CELSR1: variants seen among roughly 807,000 people sequenced by gnomAD.
The protein encoded by CELSR1 is cadherin EGF LAG seven-pass G-type receptor 1.
Under a neutral mutation model 249.1 loss-of-function variants are expected in CELSR1, and 110 were observed. The ratio of observed to expected loss-of-function variants is 0.44; its 90% CI spans 0.38 to 0.52. The LOEUF is 0.52. Ranked by LOEUF, CELSR1 falls within the 20% of genes least tolerant of loss-of-function variation. CELSR1 has a pLI of 0.00. For synonymous variants in CELSR1, 2,113 were observed against 1,900.0 expected, an observed-to-expected ratio of 1.11 and a Z score of -2.92; for missense variants, 4,109 against 4,296.4, an observed-to-expected ratio of 0.96 and a Z score of 1.22.
At position 46,381,106 on chromosome 22, in the gene CELSR1, A is replaced by G; in HGVS notation, c.7089-151T>C. 1 of 776,670 alleles carries G rather than the reference A, an allele frequency of 1.3e-6. No homozygotes were observed. The highest frequency in any genetic ancestry group is 1.8e-5 in the South Asian group (1 of 55,494). The allele number at this position is 776,670 out of a possible 1,614,324, so 48.1% of individuals were successfully genotyped here. On this transcript the variant is annotated intron_variant, in intron 21 of 34. Transcript: ENST00000674500. This position sits in a 1 kb window ranked among gnomAD's most constrained non-coding sequence, Gnocchi z 6.0. ...AGCTCGGACCCACGGACCCCACAGT[A>G]TCTTCATCCCTAGAGCAGGTTTTAT...
chr22:46,465,376 C>T (rs1200929226), intron 1 of CELSR1, among the ~76,000 whole-genome samples: 4 of 150,438 alleles, frequency 2.7e-5, no homozygotes, highest in East Asian at 4.1e-4. Flanking sequence ...TTCCATGGAG[C>T]GTGGGGCCCC....
In CELSR1 at chr22:46,363,859, T is replaced by A; in HGVS notation, c.9035+137A>T. On this transcript the variant is annotated intron_variant, in intron 34 of 34. Coordinates refer to ENST00000674500, the MANE Select transcript of CELSR1 (RefSeq NM_001378328.1). The surrounding 1 kb of genome is among the most constrained non-coding windows in gnomAD (Gnocchi z 4.3). ...GCTGCAGCGCCTCCCCCCTCCCCCA[T>A]CCCCGCCTGGGCTTCCTCTGCACTC... 8.3e-7 allele frequency: 1 copy of A among 1,202,120 alleles called. No homozygotes were observed. Among genetic ancestry groups the A allele is most frequent in the Non-Finnish European group, 1.1e-6 (1 of 893,114 alleles). 74.5% of individuals were successfully genotyped at this position (1,202,120 alleles called of 1,614,324 possible). A position where few individuals can be genotyped will look rare whatever the true frequency, so the allele number is the denominator to read the frequency against.
At position 46,446,918 on chromosome 22, in the gene CELSR1, G is replaced by A. The variant is rs148773704; in HGVS notation, c.4184-7507C>T. On this transcript the variant is annotated intron_variant, in intron 2 of 34. Coordinates refer to ENST00000674500, the MANE Select transcript of CELSR1 (RefSeq NM_001378328.1). The surrounding 1 kb of genome is among the most constrained non-coding windows in gnomAD (Gnocchi z 5.5). The stretch of plus-strand genomic sequence containing the variant: ...TCCTGTCCCTGTGTTCCTTAGGGCT[G>A]ACTCCTAGCACAGAGCCAATTCAGG... Among the ~76,000 whole-genome samples, 49 of 152,236 alleles carry A rather than the reference G, an allele frequency of 3.2e-4. No individual in the cohort carries two copies. The highest frequency in any genetic ancestry group is 3.4e-3 in the Middle Eastern group (1 of 294).
chr22:46,421,130 G>A (rs920885016), intron 5 of CELSR1, among the ~76,000 whole-genome samples: 1 of 152,148 alleles, frequency 6.6e-6, no homozygotes, highest in African/African-American at 2.4e-5. Context: ...TCACGTGGGG[G>A]ACACACATGA....
chr22:46,503,809 C>G (rs2080488511), intron 1 of CELSR1, among the ~76,000 whole-genome samples: 1 of 152,120 alleles, frequency 6.6e-6, no homozygotes, highest in Non-Finnish European at 1.5e-5. Context: ...GCAGGAGAAA[C>G]TGCTTAAGGC....
chr22:46,532,669 TATAA>T (rs1222099328), intron 1 of CELSR1, among the ~76,000 whole-genome samples: 1 of 152,198 alleles, frequency 6.6e-6, no homozygotes, highest in Non-Finnish European at 1.5e-5. Context: ...AGTTTGGGCT[TATAA>T]ATAAGGTCAC....
At position 46,385,763 on chromosome 22, in the gene CELSR1, C is replaced by T. The variant is rs986203031; in HGVS notation, c.6739+639G>A. On this transcript the variant is annotated intron_variant, in intron 19 of 34. Transcript: ENST00000674500. ...CATGATCTCGGCTCACTGCAAGCTCCGCTTCCCGGGTTCACGCCATTCTCC... is the reference window on the plus strand; with the variant it reads ...CATGATCTCGGCTCACTGCAAGCTCTGCTTCCCGGGTTCACGCCATTCTCC... 8.6e-5 allele frequency among the ~76,000 whole-genome samples: 13 copies of T among 151,100 alleles called. No individual in the cohort carries two copies. The South Asian group carries it at 1.3e-3, about 15-fold the overall frequency.
intron 2 of CELSR1, among the ~76,000 whole-genome samples, chr22:46,451,760 T>C (rs1393786990): frequency 6.6e-6 from 1 of 152,152 alleles, no homozygotes; most frequent in Non-Finnish European, 1.5e-5. Context: ...ACATAGTAAT[T>C]CCTAAAATCT....
chr22:46,368,534 C>T (rs9627427), intron 27 of CELSR1, among the ~76,000 whole-genome samples: 3 of 152,152 alleles, frequency 2.0e-5, no homozygotes, highest in Non-Finnish European at 2.9e-5. Context: ...CCAGCCCCTG[C>T]GCAAGCATTA....
chr22:46,366,958 G>A lies in CELSR1; in HGVS notation c.8205+35C>T, dbSNP rs79214845. 5.7e-3 allele frequency: 9,118 copies of A among 1,589,980 alleles called. 455 individuals carry two copies. The African/African-American group carries it at 0.1, about 18-fold the overall frequency. Reference sequence around the variant, plus strand: ...CCCCCGCCCCTCGAGATGCCGCCCAGCCCCCAGTCCCGCGGTGTCCCCGGC... The same window carrying A: ...CCCCCGCCCCTCGAGATGCCGCCCAACCCCCAGTCCCGCGGTGTCCCCGGC... On this transcript the variant is annotated intron_variant, in intron 29 of 34. Transcript: ENST00000674500.
intron 1 of CELSR1, among the ~76,000 whole-genome samples, chr22:46,508,242 C>A (rs990589995): frequency 2.0e-5 from 3 of 151,552 alleles, no homozygotes; most frequent in Non-Finnish European, 4.4e-5. Context: ...TCCTGGGCGC[C>A]AACTGGCCCC....
At chr22:46,379,058 C>G (rs542602536) in intron 22 of CELSR1, among the ~76,000 whole-genome samples, 1 of 152,364 alleles carries the variant, frequency 6.6e-6, no homozygotes, top group East Asian at 1.9e-4. Flanking sequence ...CATCTAGCAG[C>G]AAAACTCAAA....
Position 46,394,188 on chromosome 22 carries a change from C to T in CELSR1, c.5918G>A (p.Gly1973Asp). The T allele has an allele frequency of 6.2e-7, 1 of 1,614,118 alleles. No homozygotes were observed. Among genetic ancestry groups the T allele is most frequent in the Non-Finnish European group, 8.5e-7 (1 of 1,179,988 alleles). ...CGPCHCAVSK[G>D]FDPDCNKTNG... ...GGTCTTATTACAGTCGGGATCAAAG[C>T]CTTTGCTGACGGCACAGTGGCAGGG... The change falls in exon 14 of 35, where the codon GGC becomes GAC. Residue 1973 changes from glycine to aspartate, a missense_variant. Transcript: ENST00000674500.
intron 1 of CELSR1, among the ~76,000 whole-genome samples, chr22:46,491,627 C>G (rs1373923373): frequency 1.7e-5 from 1 of 59,114 alleles, no homozygotes; most frequent in Non-Finnish European, 3.8e-5. Context: ...AGTCTCTATT[C>G]TCTCTCTCTC....
At chr22:46,528,435 A>C (rs1277444353) in intron 1 of CELSR1, among the ~76,000 whole-genome samples, 2 of 152,086 alleles carry the variant, frequency 1.3e-5, no homozygotes, top group Non-Finnish European at 2.9e-5. Flanking sequence ...ACTTTCCTAC[A>C]TCCATGGGTC....
rs1290389939 is a variant in CELSR1, at chr22:46,401,272, A to G, written c.5227-1370T>C. ...AAACACTCATATTTTAAAATAAGGTAGGCCAAGGGCAGCGTGAAAATCTTA... is the reference window on the plus strand; with the variant it reads ...AAACACTCATATTTTAAAATAAGGTGGGCCAAGGGCAGCGTGAAAATCTTA... On this transcript the variant is annotated intron_variant, in intron 9 of 34. Coordinates refer to ENST00000674500, the MANE Select transcript of CELSR1 (RefSeq NM_001378328.1). The surrounding 1 kb of genome is among the most constrained non-coding windows in gnomAD (Gnocchi z 4.7). 2.6e-5 allele frequency among the ~76,000 whole-genome samples: 4 copies of G among 152,242 alleles called. No homozygotes were observed. Among genetic ancestry groups the G allele is most frequent in the African/African-American group, 9.6e-5 (4 of 41,452 alleles).
At chr22:46,478,492 C>T (rs1459942479) in intron 1 of CELSR1, among the ~76,000 whole-genome samples, 1 of 152,010 alleles carries the variant, frequency 6.6e-6, no homozygotes, top group East Asian at 1.9e-4. Flanking sequence ...CCTGGCCCGA[C>T]GTGTCCACGA....
chr22:46,439,372 G>A lies in CELSR1; in HGVS notation c.4223C>T (p.Ala1408Val). The A allele has an allele frequency of 1.2e-6, 2 of 1,613,804 alleles. No individual in the cohort carries two copies. The highest frequency in any genetic ancestry group is 1.3e-5 in the African/African-American group (1 of 75,032). The change falls in exon 3 of 35, where the codon GCC becomes GTC. Residue 1408 changes from alanine to valine, a missense_variant. Physicochemically the swap from Ala to Val is moderately conservative, Grantham distance 64. This residue lies in a region of CELSR1 where 453 missense variants were observed against 492.0 expected (regional missense o/e 0.92). Transcript: ENST00000674500. ...GCCCCCGTTCTTGCACACCCCGTTG[G>A]CACAGCGGCCTGAGCGGGCATCCAC... ...CEVDARSGRC[A>V]NGVCKNGGTC... is the part of the protein sequence containing the mutation.
intron 1 of CELSR1, chr22:46,481,583 T>C: frequency 1.2e-6 from 1 of 803,512 alleles, no homozygotes; most frequent in Non-Finnish European, 2.1e-6. Context: ...TGGCACTCGA[T>C]GCACTGGTGC....
Sources: gnomAD v4.1 joint callset for allele counts (sites outside exome capture counted in the v4.1 genomes callset) on GRCh38, gnomAD v4.1.1 for gene constraint, gnomAD v4.1.1 regional missense constraint, Gnocchi (gnomAD v3.1) non-coding constraint, MANE v1.5 for transcripts, NCBI Gene and HGNC (gene_info 2026-07-23, HGNC 2026-07-21) for gene names.